The following NBEAL1 variants were observed in gnomAD, a reference collection of about 807,000 sequenced individuals.
NBEAL1 encodes neurobeachin-like protein 1.
A neutral mutation model predicts 351.3 loss-of-function variants in NBEAL1; 273 were observed. That is an observed-to-expected ratio of 0.78 (90% CI 0.70 to 0.86). The LOEUF is 0.86. Among genes scored for constraint, NBEAL1 ranks in the 40% least tolerant of loss-of-function variants. NBEAL1 has a pLI of 0.00. For missense variants in NBEAL1, 2,961 were observed against 3,201.3 expected, an observed-to-expected ratio of 0.92 and a Z score of 1.81; for synonymous variants, 1,050 against 1,086.4, an observed-to-expected ratio of 0.97 and a Z score of 0.66.
chr2:203,077,356 C>T (rs1041180799), intron 7 of NBEAL1, among the ~76,000 whole-genome samples: 19 of 151,540 alleles, frequency 1.3e-4, no homozygotes, highest in South Asian at 2.1e-4. Flanking sequence ...GGCGATATAG[C>T]GAGACTCCAT....
chr2:203,216,009 T>TA (rs60748031), intron 55 of NBEAL1, among the ~76,000 whole-genome samples: 6 of 125,494 alleles, frequency 4.8e-5, no homozygotes, highest in East Asian at 2.4e-4. Context: ...AAACCCTGTC[T>TA]AAAAAAAAAA....
chr2:203,215,439 G>T (rs889032295), intron 55 of NBEAL1, among the ~76,000 whole-genome samples: 1 of 152,152 alleles, frequency 6.6e-6, no homozygotes, highest in Non-Finnish European at 1.5e-5. Context: ...AACCAGGAAG[G>T]TGGAGGTTGC....
chr2:203,197,491 G>C, intron 48 of NBEAL1, 100 bp downstream of exon 48: 4 of 753,244 alleles, frequency 5.3e-6, no homozygotes, highest in South Asian at 1.9e-5. Flanking sequence ...CTTTTTGGCT[G>C]TGCATGGTGG....
intron 6 of NBEAL1, among the ~76,000 whole-genome samples, chr2:203,060,259 T>C (rs554735258): frequency 6.6e-6 from 1 of 152,186 alleles, no homozygotes; most frequent in African/African-American, 2.4e-5. Context: ...TTAAATAAAA[T>C]TGGTAGCTAA....
At position 203,217,897 on chromosome 2, in the gene NBEAL1, T is replaced by G; in HGVS notation, c.*543T>G. 1.0e-6 allele frequency: 1 copy of G among 979,336 alleles called. No individual in the cohort carries two copies. The highest frequency in any genetic ancestry group is 1.1e-4 in the East Asian group (1 of 8,796). 60.7% of individuals were successfully genotyped at this position (979,336 alleles called of 1,614,324 possible). A position where few individuals can be genotyped will look rare whatever the true frequency, so the allele number is the denominator to read the frequency against. ...AAATAAGAATATTGAAACTGGTACA[T>G]TAGCTAATTCTATTACTACTTAGCG... On this transcript the variant is annotated 3_prime_UTR_variant, in exon 56 of 56. Coordinates refer to ENST00000683969, the MANE Select transcript of NBEAL1 (RefSeq NM_001378026.1).
At chr2:203,074,004 A>G (rs1366760516) in intron 7 of NBEAL1, among the ~76,000 whole-genome samples, 1 of 152,232 alleles carries the variant, frequency 6.6e-6, no homozygotes, top group Non-Finnish European at 1.5e-5. Context: ...GTTAGGAAGA[A>G]TAAATTCAAG....
At chr2:203,213,108 G>C (rs186928807) in intron 54 of NBEAL1, among the ~76,000 whole-genome samples, 1 of 152,050 alleles carries the variant, frequency 6.6e-6, no homozygotes, top group East Asian at 1.9e-4. Flanking sequence ...TCTCTAAAGG[G>C]AACGTAAAGA....
At chr2:203,066,208 A>G (rs928162845) in intron 6 of NBEAL1, among the ~76,000 whole-genome samples, 7 of 152,210 alleles carry the variant, frequency 4.6e-5, no homozygotes, top group Non-Finnish European at 7.3e-5. Flanking sequence ...TGTTTGTAGC[A>G]TAGGTTGTTT....
At chr2:203,214,825 T>A (rs192850999) in intron 55 of NBEAL1, among the ~76,000 whole-genome samples, 5 of 152,358 alleles carry the variant, frequency 3.3e-5, no homozygotes, top group Admixed American at 6.5e-5. Context: ...AAGATATTTC[T>A]ATTTCAAGAT....
At chr2:203,087,203 C>G (rs751577504) in intron 10 of NBEAL1, among the ~76,000 whole-genome samples, 17 of 150,606 alleles carry the variant, frequency 1.1e-4, no homozygotes, top group Non-Finnish European at 2.1e-4. Flanking sequence ...AGCGATTTTC[C>G]TGCCTCAGCC....
At chr2:203,040,317 A>G (rs1183150649) in intron 2 of NBEAL1, 1 of 739,264 alleles carries the variant, frequency 1.4e-6, no homozygotes, top group Non-Finnish European at 2.4e-6. Context: ...TGCATCTCAG[A>G]CGACTAGAAA....
rs555786032 is a variant in NBEAL1, at chr2:203,051,065, A to G, written c.305+1090A>G. 4.6e-5 allele frequency among the ~76,000 whole-genome samples: 7 copies of G among 152,314 alleles called. No homozygotes were observed. In the South Asian group the frequency reaches 1.2e-3, roughly 27 times the overall value. Reference sequence around the variant, plus strand: ...TAATTAGTGGATGAATAGGGACTTAATTTACCTCTTAGTCACCTTTGGCTT... The same window carrying G: ...TAATTAGTGGATGAATAGGGACTTAGTTTACCTCTTAGTCACCTTTGGCTT... On this transcript the variant is annotated intron_variant, in intron 4 of 55. Coordinates refer to ENST00000683969, the MANE Select transcript of NBEAL1 (RefSeq NM_001378026.1).
rs373623878 is a variant in NBEAL1, at chr2:203,152,110, A to G, written c.5587+521A>G. On this transcript the variant is annotated intron_variant, in intron 35 of 55. Coordinates refer to ENST00000683969, the MANE Select transcript of NBEAL1 (RefSeq NM_001378026.1). ...GTAGCTGGGATTACAGGCATATGCCATCACACCTGGCTAATTTTTGTATTT... is the reference window on the plus strand; with the variant it reads ...GTAGCTGGGATTACAGGCATATGCCGTCACACCTGGCTAATTTTTGTATTT... 1.4e-4 allele frequency among the ~76,000 whole-genome samples: 21 copies of G among 151,850 alleles called. 3 individuals are homozygous for G. Among genetic ancestry groups the G allele is most frequent in the Admixed American group, 6.5e-4 (10 of 15,268 alleles).
chr2:203,170,248 T>TG (rs2064278352), intron 39 of NBEAL1, among the ~76,000 whole-genome samples: 1 of 152,046 alleles, frequency 6.6e-6, no homozygotes. Flanking sequence ...GGCGGGCGCC[T>TG]GTAATCCCAG....
At chr2:203,117,197 G>A (rs1307240641) in intron 18 of NBEAL1, among the ~76,000 whole-genome samples, 2 of 152,258 alleles carry the variant, frequency 1.3e-5, no homozygotes, top group East Asian at 1.9e-4. Context: ...CGGGCACAGT[G>A]GCTCACGCTT....
At position 203,097,006 on chromosome 2, in the gene NBEAL1, C is replaced by A. The variant is rs113999552; in HGVS notation, c.1099-541C>A. 7.1e-3 allele frequency among the ~76,000 whole-genome samples: 1,079 copies of A among 152,256 alleles called. 9 individuals carry two copies. Among genetic ancestry groups the A allele is most frequent in the African/African-American group, 0.025 (1,020 of 41,534 alleles). On this transcript the variant is annotated intron_variant, in intron 10 of 55. Transcript: ENST00000683969. ...ACAATTTACAAAAGTTTAATGAACT[C>A]ACGGTTTCTTGTGGCTGAGGAGGCC... is the stretch of plus-strand genomic sequence containing the variant.
chr2:203,187,845 C>G (rs189758230), intron 44 of NBEAL1, among the ~76,000 whole-genome samples: 1 of 152,262 alleles, frequency 6.6e-6, no homozygotes, highest in Admixed American at 6.5e-5. Flanking sequence ...TTAAAATGTA[C>G]TGTTTGGAAG....
In NBEAL1 at chr2:203,183,311, G is replaced by A; in HGVS notation, c.6628G>A (p.Glu2210Lys). ...CTTGGGTCGTCTACAGATTTCCAAAGAATTAGTAAATGATGTCATTCTCCC... is the reference window on the plus strand; with the variant it reads ...CTTGGGTCGTCTACAGATTTCCAAAAAATTAGTAAATGATGTCATTCTCCC... ...FNLGRLQISK[E>K]LVNDVILPKW... The change falls in exon 44 of 56, where the codon GAA becomes AAA. Residue 2210 changes from glutamate to lysine, a missense_variant. Glu to Lys is a moderately conservative substitution (Grantham distance 56, BLOSUM62 1). Coordinates refer to ENST00000683969, the MANE Select transcript of NBEAL1 (RefSeq NM_001378026.1). 6.3e-7 allele frequency: 1 copy of A among 1,596,890 alleles called. No individual in the cohort carries two copies.
intron 3 of NBEAL1, among the ~76,000 whole-genome samples, chr2:203,043,757 G>A (rs1458881440): frequency 2.6e-5 from 4 of 151,720 alleles, no homozygotes; most frequent in African/African-American, 4.8e-5. Context: ...TGTGTTGAGG[G>A]GAGAAGGGAG....
Sources: gnomAD v4.1 joint callset for allele counts (sites outside exome capture counted in the v4.1 genomes callset) on GRCh38, gnomAD v4.1.1 for gene constraint, MANE v1.5 for transcripts, NCBI Gene and HGNC (gene_info 2026-07-23, HGNC 2026-07-21) for gene names.